LUZP2: variants seen among roughly 807,000 people sequenced by gnomAD.
LUZP2 encodes the protein leucine zipper protein 2.
In LUZP2, 52 loss-of-function variants were observed where a neutral mutation model predicts 51.6. The ratio of observed to expected loss-of-function variants is 1.01; its 90% CI spans 0.81 to 1.27. The LOEUF is 1.27. Among genes scored for constraint, LUZP2 ranks in the 50% most tolerant of loss-of-function variants. The pLI, the probability that LUZP2 is intolerant of heterozygous loss-of-function variation, is 0.00. For missense variants in LUZP2, 436 were observed against 395.4 expected, an observed-to-expected ratio of 1.10 and a Z score of -0.87; for synonymous variants, 154 against 137.3, an observed-to-expected ratio of 1.12 and a Z score of -0.85.
At chr11:25,024,747 TC>T (rs1256721371) in intron 9 of LUZP2, among the ~76,000 whole-genome samples, 2 of 150,920 alleles carry the variant, frequency 1.3e-5, no homozygotes, top group Admixed American at 6.6e-5. Flanking sequence ...TTCAATGCCA[TC>T]CCCGTCAAGC....
At position 24,611,696 on chromosome 11, in the gene LUZP2, C is replaced by G. The variant is rs562296155; in HGVS notation, c.62+114391C>G. On this transcript the variant is annotated intron_variant, in intron 1 of 11. Coordinates refer to ENST00000336930, the MANE Select transcript of LUZP2 (RefSeq NM_001009909.4). The surrounding 1 kb of genome is among the most constrained non-coding windows in gnomAD (Gnocchi z 4.6). ...ATTGAGCCCTCCTTCAACACATGTC[C>G]TGCATATTATTAAGTGCCAGATATT... Among the ~76,000 whole-genome samples, 1 of 152,258 alleles carries G rather than the reference C, an allele frequency of 6.6e-6. No homozygotes were observed. Among genetic ancestry groups the G allele is most frequent in the East Asian group, 1.9e-4 (1 of 5,178 alleles).
intron 5 of LUZP2, among the ~76,000 whole-genome samples, chr11:24,883,211 C>CA (rs1426499165): frequency 1.3e-5 from 2 of 151,818 alleles, no homozygotes; most frequent in African/African-American, 4.8e-5. Flanking sequence ...TGGATACATA[C>CA]ATGTGCAGAA....
intron 1 of LUZP2, among the ~76,000 whole-genome samples, chr11:24,707,375 AC>A: frequency 6.6e-6 from 1 of 151,996 alleles, no homozygotes; most frequent in Middle Eastern, 3.4e-3. Context: ...CATGAAGACT[AC>A]CAGTCTTAAA....
rs12804416 is a variant in LUZP2 at position 24,632,801 on chromosome 11, G to A, written c.63-96368G>A. Among the ~76,000 whole-genome samples the A allele has an allele frequency of 8.5e-3, 1,289 of 152,110 alleles. 10 individuals carry two copies. Among genetic ancestry groups the A allele is most frequent in the South Asian group, 0.017 (84 of 4,826 alleles). On this transcript the variant is annotated intron_variant, in intron 1 of 11. Transcript: ENST00000336930. The stretch of plus-strand genomic sequence containing the variant: ...AAATATCACACAGAATATAAACCAA[G>A]CTGATGAGATAGCCTGAAGTTGTCA...
intron 7 of LUZP2, among the ~76,000 whole-genome samples, chr11:24,916,913 T>A (rs1208175749): frequency 6.6e-6 from 1 of 152,196 alleles, no homozygotes; most frequent in Non-Finnish European, 1.5e-5. Context: ...GGCCACACTG[T>A]CTTCCACAGT....
At chr11:24,721,455 G>A (rs891860090) in intron 1 of LUZP2, among the ~76,000 whole-genome samples, 1 of 152,272 alleles carries the variant, frequency 6.6e-6, no homozygotes, top group Non-Finnish European at 1.5e-5. Flanking sequence ...GATGTTTATA[G>A]TATCAATTCT....
In LUZP2 at chr11:24,601,296, C is replaced by T. The variant is rs1302479586; in HGVS notation, c.62+103991C>T. On this transcript the variant is annotated intron_variant, in intron 1 of 11. Transcript: ENST00000336930. ...ATTTATTATTGTTTATATTTTGAGG[C>T]CCTATACAGAAATGTCAGCTGTGTG... Among the ~76,000 whole-genome samples, 5 of 152,048 alleles carry T rather than the reference C, an allele frequency of 3.3e-5. No individual in the cohort carries two copies. In the East Asian group the frequency reaches 5.8e-4, roughly 18 times the overall value.
chr11:24,797,016 A>G (rs1849566713), intron 5 of LUZP2, among the ~76,000 whole-genome samples: 1 of 152,172 alleles, frequency 6.6e-6, no homozygotes, highest in Admixed American at 6.6e-5. Flanking sequence ...ATTTCGGCTC[A>G]TCATTCCCTA....
At chr11:24,512,745 TTTTC>T (rs1850349684) in intron 1 of LUZP2, among the ~76,000 whole-genome samples, 1 of 151,152 alleles carries the variant, frequency 6.6e-6, no homozygotes, top group South Asian at 2.1e-4. Flanking sequence ...ATGGTTATTT[TTTTC>T]TTTGTTTTTT....
At chr11:24,607,114 T>C (rs1853948410) in intron 1 of LUZP2, among the ~76,000 whole-genome samples, 1 of 151,956 alleles carries the variant, frequency 6.6e-6, no homozygotes, top group Admixed American at 6.6e-5. Flanking sequence ...AATGTTTCCT[T>C]TACTGTACAG....
chr11:24,509,124 G>A lies in LUZP2; in HGVS notation c.62+11819G>A, dbSNP rs757190943. On this transcript the variant is annotated intron_variant, in intron 1 of 11. Coordinates refer to ENST00000336930, the MANE Select transcript of LUZP2 (RefSeq NM_001009909.4). Reference sequence around the variant, plus strand: ...TTCAGTGCACAGTAGGTTCTTGCCCGCTGTTTGCATGCTGAACCTCAAGAC... The same window carrying A: ...TTCAGTGCACAGTAGGTTCTTGCCCACTGTTTGCATGCTGAACCTCAAGAC... Among the ~76,000 whole-genome samples, 8 of 152,126 alleles carry A rather than the reference G, an allele frequency of 5.3e-5. No individual in the cohort carries two copies. The East Asian group carries it at 9.6e-4, about 18-fold the overall frequency.
chr11:24,775,085 G>A (rs764022901), intron 5 of LUZP2, among the ~76,000 whole-genome samples: 60 of 151,766 alleles, frequency 4.0e-4, no homozygotes, highest in African/African-American at 1.1e-3. Flanking sequence ...TGAAATGAGC[G>A]TTTTACAATA....
At chr11:25,032,400 A>AT (rs895164025) in intron 9 of LUZP2, among the ~76,000 whole-genome samples, 3 of 151,970 alleles carry the variant, frequency 2.0e-5, no homozygotes, top group Admixed American at 6.6e-5. Flanking sequence ...ATGAGTTTCA[A>AT]TTTTTTTTCC....
At chr11:24,601,184 A>C (rs1853622681) in intron 1 of LUZP2, among the ~76,000 whole-genome samples, 1 of 152,048 alleles carries the variant, frequency 6.6e-6, no homozygotes, top group African/African-American at 2.4e-5. Context: ...AGACATGGAG[A>C]TCTCAGTTCT....
At chr11:24,936,202 T>G in intron 7 of LUZP2, among the ~76,000 whole-genome samples, 1 of 152,116 alleles carries the variant, frequency 6.6e-6, no homozygotes, top group Admixed American at 6.6e-5. Flanking sequence ...ATTGTAGAGC[T>G]CATGGAAGCA....
At chr11:24,752,716 C>T (rs1163057898) in intron 4 of LUZP2, among the ~76,000 whole-genome samples, 1 of 151,444 alleles carries the variant, frequency 6.6e-6, no homozygotes, top group Non-Finnish European at 1.5e-5. Context: ...ACTTGATTTA[C>T]TCTGTTAAAA....
intron 5 of LUZP2, among the ~76,000 whole-genome samples, chr11:24,874,272 G>T (rs530028448): frequency 6.6e-6 from 1 of 152,268 alleles, no homozygotes; most frequent in Admixed American, 6.5e-5. Context: ...GCCCCTGTCA[G>T]GTTCCAACCT....
intron 1 of LUZP2, among the ~76,000 whole-genome samples, chr11:24,719,175 G>A (rs1858168040): frequency 6.6e-6 from 1 of 152,006 alleles, no homozygotes; most frequent in Non-Finnish European, 1.5e-5. Context: ...GAATTAAATG[G>A]ATTAGAAAAG....
intron 5 of LUZP2, chr11:24,786,233 C>T (rs1185531363): frequency 2.1e-6 from 2 of 963,406 alleles, no homozygotes; most frequent in Non-Finnish European, 2.5e-6. Context: ...CTTAATTTCC[C>T]ATCGTAATTG....
Sources: gnomAD v4.1 joint callset for allele counts (sites outside exome capture counted in the v4.1 genomes callset) on GRCh38, gnomAD v4.1.1 for gene constraint, Gnocchi (gnomAD v3.1) non-coding constraint, MANE v1.5 for transcripts, NCBI Gene and HGNC (gene_info 2026-07-23, HGNC 2026-07-21) for gene names.